Variants in MXRA5 observed in about 807,000 individuals in gnomAD.
MXRA5 encodes the protein matrix-remodeling-associated protein 5.
A neutral mutation model predicts 112.5 loss-of-function variants in MXRA5; 41 were observed. The observed-to-expected ratio is 0.36, with a 90% CI of 0.28 to 0.47. MXRA5 has a LOEUF of 0.47. MXRA5 is among the 20% of genes least tolerant of loss of function. MXRA5 has a pLI of 0.99. For missense variants in MXRA5, 2,150 were observed against 2,251.0 expected (o/e 0.96, Z 0.91); for synonymous variants, 862 against 900.8 (o/e 0.96, Z 0.77).
chrX:3,310,571 G>C lies in MXRA5; in HGVS notation c.7632C>G (p.Phe2544Leu). Residue 2544 changes from phenylalanine to leucine, a missense_variant, in exon 7 of 7, where the codon TTC becomes TTG. Physicochemically the swap from Phe to Leu is conservative, Grantham distance 22. Around this residue, in one of 6 missense-constraint regions of MXRA5, gnomAD observed 93 missense variants for 135.5 expected, o/e 0.69. Transcript: ENST00000217939. The stretch of plus-strand genomic sequence containing the variant: ...TGATCTTCTCGCTGATCGGGTCGTG[G>C]AAGATGGGTTTCTCCATGGGCTCCA... ...TVLEPMEKPI[F>L]HDPISEKITA... 8.9e-7 allele frequency: 1 copy of C among 1,121,186 alleles called. No individual in the cohort carries two copies. The highest frequency in any genetic ancestry group is 1.9e-5 in the South Asian group (1 of 52,497). The allele number at this position is 1,121,186 out of a possible 1,213,427, so 92.4% of individuals were successfully genotyped here.
intron 4 of MXRA5, among the ~76,000 whole-genome samples, chrX:3,326,983 G>A (rs760877028): frequency 2.7e-5 from 3 of 111,264 alleles, no homozygotes; most frequent in African/African-American, 6.5e-5. Context: ...TGACATCTAT[G>A]AAACAAATTT....
chrX:3,335,037 C>G (rs1013644303), intron 2 of MXRA5, among the ~76,000 whole-genome samples: 2 of 111,511 alleles, frequency 1.8e-5, no homozygotes, highest in African/African-American at 3.3e-5. Flanking sequence ...CATTCAGCGT[C>G]GTTCAGAGTC....
chrX:3,323,009 G>C lies in MXRA5; in HGVS notation c.2676C>G (p.Ser892=), dbSNP rs1635247. ...TPLEEVVDDL[S]EKTEEITSTE... ...TGGAAGTTATCTCCTCAGTCTTCTC[G>C]GAAAGGTCATCAACAACTTCCTCCA... Residue 892 remains serine, a synonymous_variant, in exon 5 of 7, where the codon TCC becomes TCG. Transcript: ENST00000217939. 1.7e-6 allele frequency: 2 copies of C among 1,210,832 alleles called. No individual in the cohort carries two copies. Among genetic ancestry groups the C allele is most frequent in the Non-Finnish European group, 2.2e-6 (2 of 895,161 alleles).
chrX:3,317,071 C>G, intron 6 of MXRA5, 32 bp downstream of exon 6: 4 of 1,108,537 alleles, frequency 3.6e-6, no homozygotes, highest in Non-Finnish European at 4.7e-6. Context: ...ACCAGCCCAG[C>G]GATTTACAGG....
chrX:3,340,969 T>C (rs1367188200), intron 2 of MXRA5, among the ~76,000 whole-genome samples: 6 of 84,391 alleles, frequency 7.1e-5, no homozygotes, highest in African/African-American at 9.1e-5. Flanking sequence ...ATATATATTA[T>C]GTATAATAGA....
chrX:3,310,168 G>C lies in MXRA5; in HGVS notation c.8035C>G (p.Leu2679Val). Residue 2679 changes from leucine to valine, a missense_variant, in exon 7 of 7, where the codon CTG becomes GTG. This residue lies in a region of MXRA5 where 178 missense variants were observed against 198.2 expected (regional missense o/e 0.90). Coordinates refer to ENST00000217939, the MANE Select transcript of MXRA5 (RefSeq NM_015419.4). ...CGTCCCAGGGTTTGGGGGCCCTCCA[G>C]ATGCATGCCATTGGGGAGCGTCCAG... ...FSWTLPNGMH[L>V]EGPQTLGRVS... 8.3e-7 allele frequency: 1 copy of C among 1,211,951 alleles called. No homozygotes were observed. Among genetic ancestry groups the C allele is most frequent in the Non-Finnish European group, 1.1e-6 (1 of 895,511 alleles).
At position 3,321,139 on chromosome X, in the gene MXRA5, G is replaced by T. The variant is rs771758147; in HGVS notation, c.4546C>A (p.Pro1516Thr). 1 of 1,211,758 alleles carries T rather than the reference G, an allele frequency of 8.3e-7. No homozygotes were observed. Among genetic ancestry groups the T allele is most frequent in the African/African-American group, 1.7e-5 (1 of 57,805 alleles). ...TCTCTAGATGCTTGAGATATTCTTG[G>T]ACTGGGAAGTGCTGGCTTAGTGGTG... ...TTTTKPALPS[P>T]RISQASRDSK... Residue 1516 changes from proline (P) to threonine (T), a missense_variant, in exon 5 of 7, where the codon CCA becomes ACA. Physicochemically the swap from Pro to Thr is conservative, Grantham distance 38 (BLOSUM62 -1). Transcript: ENST00000217939.
At chrX:3,315,373 A>AAGGATGG (rs1921077005) in intron 6 of MXRA5, among the ~76,000 whole-genome samples, 1 of 48,220 alleles carries the variant, frequency 2.1e-5, no homozygotes, top group Non-Finnish European at 3.8e-5. Flanking sequence ...AGATAGATAG[A>AAGGATGG]ATAGATAGAT....
At chrX:3,327,066 G>A (rs984466931) in intron 4 of MXRA5, among the ~76,000 whole-genome samples, 1 of 111,091 alleles carries the variant, frequency 9.0e-6, no homozygotes, top group African/African-American at 3.3e-5. Context: ...TACTCTCTCT[G>A]CCTGGGGAAA....
Position 3,322,918 on chromosome X carries a change from T to A in MXRA5, c.2767A>T (p.Thr923Ser). Residue 923 changes from threonine to serine, a missense_variant, in exon 5 of 7, where the codon ACT becomes TCT. Thr to Ser is a moderately conservative substitution (Grantham distance 58). Around this residue, in one of 6 missense-constraint regions of MXRA5, gnomAD observed 1,485 missense variants for 1,471.6 expected, o/e 1.01. Transcript: ENST00000217939. ...LISEPYEPSP[T>S]LHTLDTVYEK... ...TAGACTGTGTCTAATGTGTGCAGAGTAGGAGATGGTTCATAAGGCTCAGAT... is the reference window on the plus strand; with the variant it reads ...TAGACTGTGTCTAATGTGTGCAGAGAAGGAGATGGTTCATAAGGCTCAGAT... The A allele has an allele frequency of 8.3e-7, 1 of 1,210,804 alleles. No homozygotes were observed. The highest frequency in any genetic ancestry group is 1.1e-6 in the Non-Finnish European group (1 of 895,307).
chrX:3,343,935 A>T (rs1922048594), intron 1 of MXRA5, 74 bp from the exon 2 acceptor site: 49 of 887,995 alleles, frequency 5.5e-5, no homozygotes, highest in Non-Finnish European at 7.2e-5. Context: ...TTTAAATTTG[A>T]ATTGTGCATC....
rs1920982551 is a variant in MXRA5 at position 3,310,928 on chromosome X, T to C, written c.7275A>G (p.Gly2425=). Residue 2425 remains glycine, a synonymous_variant, in exon 7 of 7, where the codon GGA becomes GGG. Coordinates refer to ENST00000217939, the MANE Select transcript of MXRA5 (RefSeq NM_015419.4). Reference sequence around the variant, plus strand: ...GAATCCACACCGTCTTCCTATCCTCTCCCGCGCTGTTCCTGACCAAGCAGG... The same window carrying C: ...GAATCCACACCGTCTTCCTATCCTCCCCCGCGCTGTTCCTGACCAAGCAGG... ...NYTCLVRNSA[G]EDRKTVWIHV... 1 of 1,211,275 alleles carries C rather than the reference T, an allele frequency of 8.3e-7. No individual in the cohort carries two copies. The highest frequency in any genetic ancestry group is 3.0e-5 in the East Asian group (1 of 33,784).
chrX:3,342,666 C>G (rs915392552), intron 2 of MXRA5, among the ~76,000 whole-genome samples: 14 of 112,171 alleles, frequency 1.2e-4, no homozygotes, highest in Admixed American at 7.6e-4. Flanking sequence ...ACGTTTCATT[C>G]TCTTATTCTA....
intron 6 of MXRA5, among the ~76,000 whole-genome samples, chrX:3,315,388 A>AGAAG (rs1921081167): frequency 4.1e-5 from 1 of 24,319 alleles, no homozygotes; most frequent in African/African-American, 2.7e-4. Flanking sequence ...ATAGATAGAT[A>AGAAG]GATGATAGAT....
intron 2 of MXRA5, among the ~76,000 whole-genome samples, chrX:3,340,442 T>C (rs1252321012): frequency 8.9e-6 from 1 of 111,948 alleles, no homozygotes. Context: ...TTTTTTCAAG[T>C]AGTATATTAG....
intron 2 of MXRA5, among the ~76,000 whole-genome samples, chrX:3,339,706 T>C (rs1287695851): frequency 9.0e-6 from 1 of 111,537 alleles, no homozygotes; most frequent in African/African-American, 3.3e-5. Flanking sequence ...AACCCAAGGG[T>C]ATACATGTCC....
Position 3,330,073 on chromosome X carries a change from C to T in MXRA5, c.654G>A (p.Pro218=), listed in dbSNP as rs200950732. ...ATCTCATCTCACAATCGCAGGTCCACGGATTTCCCTGCAAGTAAAGATTCT... is the reference window on the plus strand; with the variant it reads ...ATCTCATCTCACAATCGCAGGTCCATGGATTTCCCTGCAAGTAAAGATTCT... ...LLENLYLQGN[P]WTCDCEMRWF... Residue 218 remains proline (P), a synonymous_variant, in exon 4 of 7, where the codon CCG becomes CCA. Transcript: ENST00000217939. The T allele has an allele frequency of 3.3e-6, 4 of 1,211,080 alleles. No homozygotes were observed. The highest frequency in any genetic ancestry group is 4.5e-6 in the Non-Finnish European group (4 of 895,266).
Position 3,322,718 on chromosome X carries a change from A to G in MXRA5, c.2967T>C (p.Asp989=), listed in dbSNP as rs764624824. ...DPDLETKSQP[D]EDKMKEDTFA... is the part of the protein sequence containing the mutation. ...AGGTGTCTTCTTTCATCTTATCCTC[A>G]TCTGGTTGTGACTTAGTCTCCAAAT... Residue 989 remains aspartate (D), a synonymous_variant, in exon 5 of 7, where the codon GAT becomes GAC. Coordinates refer to ENST00000217939, the MANE Select transcript of MXRA5 (RefSeq NM_015419.4). 1.7e-6 allele frequency: 2 copies of G among 1,211,283 alleles called. No homozygotes were observed. Among genetic ancestry groups the G allele is most frequent in the South Asian group, 3.5e-5 (2 of 56,943 alleles).
intron 2 of MXRA5, among the ~76,000 whole-genome samples, chrX:3,337,612 A>G (rs780339496): frequency 6.0e-4 from 67 of 112,096 alleles, no homozygotes; most frequent in African/African-American, 1.9e-3. Context: ...TATCAATTAT[A>G]TATCTATTCA....
Sources: allele counts gnomAD v4.1 joint callset (sites outside exome capture counted in the v4.1 genomes callset), GRCh38; gene constraint gnomAD v4.1.1; regional missense constraint gnomAD v4.1.1; transcripts MANE v1.5; gene names NCBI Gene and HGNC (gene_info 2026-07-23, HGNC 2026-07-21).